ACADM: variants seen among roughly 807,000 people sequenced by gnomAD.
ACADM encodes medium-chain specific acyl-CoA dehydrogenase, mitochondrial.
In ACADM, 49 loss-of-function variants were observed where a neutral mutation model predicts 58.9. That is an observed-to-expected ratio of 0.83 (90% CI 0.66 to 1.06). The LOEUF (loss-of-function observed/expected upper bound fraction) is 1.06, where lower values mean the gene tolerates loss of function less well. Among genes scored for constraint, ACADM ranks in the 50% least tolerant of loss-of-function variants. The pLI, the probability that ACADM is intolerant of heterozygous loss-of-function variation, is 0.00. For synonymous variants in ACADM, 160 were observed against 157.7 expected, an observed-to-expected ratio of 1.01 and a Z score of -0.11; for missense variants, 496 against 507.0, an observed-to-expected ratio of 0.98 and a Z score of 0.21.
chr1:75,761,360 A>G lies in ACADM; in HGVS notation c.1184A>G (p.Lys395Arg), dbSNP rs776312173. 1.2e-6 allele frequency: 2 copies of G among 1,613,982 alleles called. No individual in the cohort carries two copies. Among genetic ancestry groups the G allele is most frequent in the Non-Finnish European group, 1.7e-6 (2 of 1,179,932 alleles). ...GTAGAAAAACTAATGAGGGATGCCA[A>G]AATCTATCAGGTAAGGTTAAAGATG... is the stretch of plus-strand genomic sequence containing the variant. ...YPVEKLMRDA[K>R]IYQIYEGTSQ... The change falls in exon 11 of 12, where the codon AAA (lysine) becomes AGA (arginine). Residue 395 changes from lysine to arginine, a missense_variant. Physicochemically the swap from Lys to Arg is conservative, Grantham distance 26. Coordinates refer to ENST00000370841, the MANE Select transcript of ACADM (RefSeq NM_000016.6).
intron 7 of ACADM, among the ~76,000 whole-genome samples, chr1:75,741,250 C>T (rs1338890139): frequency 6.6e-6 from 1 of 152,104 alleles, no homozygotes; most frequent in Non-Finnish European, 1.5e-5. Context: ...AATAAAACAT[C>T]ATTTTTTTTC....
Position 75,745,815 on chromosome 1 carries a change from A to C in ACADM, c.609A>C (p.Leu203Phe), listed in dbSNP as rs751829413. Residue 203 changes from leucine to phenylalanine, a missense_variant, in exon 8 of 12, where the codon TTA (leucine) becomes TTC (phenylalanine). Leu to Phe is a conservative substitution (Grantham distance 22). Coordinates refer to ENST00000370841, the MANE Select transcript of ACADM (RefSeq NM_000016.6). ...TNGGKANWYF[L>F]LARSDPDPKA... ...TATGTGTATCTCTTAGGTATTTTTT[A>C]TTGGCACGTTCTGATCCAGATCCTA... is the stretch of plus-strand genomic sequence containing the variant. 6 of 1,612,920 alleles carry C rather than the reference A, an allele frequency of 3.7e-6. No homozygotes were observed. Among genetic ancestry groups the C allele is most frequent in the Admixed American group, 3.3e-5 (2 of 59,994 alleles).
intron 7 of ACADM, chr1:75,744,192 T>C (rs112376569): frequency 6.4e-7 from 1 of 1,572,424 alleles, no homozygotes; most frequent in Non-Finnish European, 8.8e-7. Flanking sequence ...ACAGGTTTGC[T>C]AGAAGGAGGT....
intron 7 of ACADM, among the ~76,000 whole-genome samples, chr1:75,740,772 C>T (rs1036546641): frequency 6.6e-6 from 1 of 152,050 alleles, no homozygotes. Flanking sequence ...AGAAGTACAG[C>T]ATCAAATAGA....
Position 75,741,062 on chromosome 1 carries a change from A to G in ACADM, c.599+952A>G, listed in dbSNP as rs1424555899. On this transcript the variant is annotated intron_variant, in intron 7 of 11. Coordinates refer to ENST00000370841, the MANE Select transcript of ACADM (RefSeq NM_000016.6). ...AGCTTAACATAAGGACAGGCTTTCT[A>G]TCAGCAGTGCTGTTAAGTTGTCATG... Among the ~76,000 whole-genome samples, 6 of 152,352 alleles carry G rather than the reference A, an allele frequency of 3.9e-5. No homozygotes were observed. The South Asian group carries it at 1.2e-3, about 32-fold the overall frequency.
intron 10 of ACADM, 36 bp downstream of exon 10, chr1:75,750,582 A>G (rs761700872): frequency 7.5e-7 from 1 of 1,324,678 alleles, no homozygotes; most frequent in South Asian, 1.2e-5. Context: ...TCAAATGTAA[A>G]GACACTCATT....
chr1:75,733,091 C>T (rs764020215), intron 4 of ACADM, 169 bp downstream of exon 4: 7 of 1,613,014 alleles, frequency 4.3e-6, no homozygotes, highest in Non-Finnish European at 5.1e-6. Flanking sequence ...GCACTCTATA[C>T]CTAGATGCGT....
At chr1:75,738,059 G>A (rs1018497542) in intron 6 of ACADM, among the ~76,000 whole-genome samples, 1 of 151,892 alleles carries the variant, frequency 6.6e-6, no homozygotes, top group Non-Finnish European at 1.5e-5. Flanking sequence ...TGGGACTACA[G>A]GTGCGTGCCA....
intron 10 of ACADM, among the ~76,000 whole-genome samples, chr1:75,757,896 C>T (rs1648600062): frequency 6.6e-6 from 1 of 152,174 alleles, no homozygotes; most frequent in Non-Finnish European, 1.5e-5. Flanking sequence ...CTTCTTTTCC[C>T]CTAGTTGCAA....
At chr1:75,755,038 ACAAGGCGGCAG>A (rs1448715415) in intron 10 of ACADM, 3 of 152,428 alleles carry the variant, frequency 2.0e-5, no homozygotes, top group Non-Finnish European at 4.4e-5. Flanking sequence ...AGATGAAACT[ACAAGGCGGCAG>A]CAAGGCTCAG....
At chr1:75,743,463 G>A in intron 7 of ACADM, 1 of 1,611,620 alleles carries the variant, frequency 6.2e-7, no homozygotes, top group Non-Finnish European at 8.5e-7. Flanking sequence ...CCGCTGCCTT[G>A]ATTTTGCGGA....
intron 7 of ACADM, among the ~76,000 whole-genome samples, chr1:75,742,632 G>A (rs1395773232): frequency 6.6e-6 from 1 of 152,132 alleles, no homozygotes. Context: ...GTAAGAACAA[G>A]GTGCTAGAAT....
intron 10 of ACADM, among the ~76,000 whole-genome samples, chr1:75,756,249 C>T (rs942834840): frequency 6.6e-6 from 1 of 152,104 alleles, no homozygotes. Context: ...AAAGGGTATT[C>T]AGTTAGGAAA....
intron 10 of ACADM, among the ~76,000 whole-genome samples, chr1:75,760,370 C>A (rs1415468412): frequency 6.8e-6 from 1 of 147,726 alleles, no homozygotes; most frequent in African/African-American, 2.5e-5. Flanking sequence ...TGCAGTGAGC[C>A]GATAACGCAC....
intron 10 of ACADM, among the ~76,000 whole-genome samples, chr1:75,755,598 C>T (rs148016540): frequency 1.1e-3 from 173 of 152,314 alleles, no homozygotes; most frequent in African/African-American, 4.0e-3. Context: ...CACACCAAAA[C>T]CGCATCTGTA....
intron 10 of ACADM, among the ~76,000 whole-genome samples, chr1:75,756,665 C>A (rs551597819): frequency 3.3e-5 from 5 of 152,138 alleles, no homozygotes; most frequent in Admixed American, 3.3e-4. Flanking sequence ...CAGTGCCATC[C>A]CCTTCAAGCT....
rs368080973 is a variant in ACADM, at chr1:75,738,442, G to C, written c.469-1538G>C. On this transcript the variant is annotated intron_variant, in intron 6 of 11. Transcript: ENST00000370841. ...TCACCATGTTGGCCAGGCTGGTCTC[G>C]AACTCCTAACCTCAGGTGACCCACC... Among the ~76,000 whole-genome samples, 27 of 151,520 alleles carry C rather than the reference G, an allele frequency of 1.8e-4. 1 individual carries two copies. The East Asian group carries it at 2.1e-3, about 12-fold the overall frequency.
intron 1 of ACADM, 123 bp downstream of exon 1, chr1:75,724,940 C>T (rs1647024907): frequency 2.8e-6 from 3 of 1,065,364 alleles, no homozygotes; most frequent in Non-Finnish European, 3.8e-6. Flanking sequence ...AGGAAGGAGC[C>T]AGCCTAGGGG....
intron 5 of ACADM, 115 bp from the exon 6 acceptor site, chr1:75,734,676 T>C: frequency 1.3e-6 from 1 of 797,826 alleles, no homozygotes; most frequent in Non-Finnish European, 2.1e-6. Context: ...GCCAGTTCTT[T>C]GGACTTACCT....
Sources: allele counts gnomAD v4.1 joint callset (sites outside exome capture counted in the v4.1 genomes callset), GRCh38; gene constraint gnomAD v4.1.1; transcripts MANE v1.5; gene names NCBI Gene and HGNC (gene_info 2026-07-23, HGNC 2026-07-21).